Variants in MYO1E observed in about 807,000 individuals in gnomAD.
The protein encoded by MYO1E is myosin IE, also known as unconventional myosin-Ie.
Under a neutral mutation model 151.1 loss-of-function variants are expected in MYO1E, and 68 were observed. That is an observed-to-expected ratio of 0.45 (90% CI 0.37 to 0.55). The LOEUF is 0.55. MYO1E is among the 20% of genes least tolerant of loss of function. The pLI is 0.00. For missense variants in MYO1E, 1,363 were observed against 1,389.3 expected (o/e 0.98, Z 0.30); for synonymous variants, 601 against 501.7 (o/e 1.20, Z -2.64).
At chr15:59,224,963 G>A in intron 7 of MYO1E, 140 bp from the exon 8 acceptor site, 1 of 1,089,938 alleles carries the variant, frequency 9.2e-7, no homozygotes, top group Non-Finnish European at 1.4e-6. Flanking sequence ...CCCCAAATAT[G>A]TACTTGTAGT....
At chr15:59,256,167 C>T (rs2080192721) in intron 4 of MYO1E, 117 bp downstream of exon 4, 1 of 756,794 alleles carries the variant, frequency 1.3e-6, no homozygotes, top group Non-Finnish European at 2.3e-6. Context: ...TACTCAGACA[C>T]ATTAACCAGG....
intron 22 of MYO1E, among the ~76,000 whole-genome samples, chr15:59,164,743 G>T (rs951508934): frequency 2.6e-5 from 4 of 152,288 alleles, no homozygotes; most frequent in African/African-American, 9.6e-5. Context: ...AATCTTGGGG[G>T]ACTATCTCAG....
intron 1 of MYO1E, among the ~76,000 whole-genome samples, chr15:59,321,584 GA>G (rs2080626509): frequency 1.3e-5 from 2 of 152,182 alleles, no homozygotes; most frequent in Admixed American, 1.3e-4. Flanking sequence ...TGCAGGAACA[GA>G]AATTCAAATA....
chr15:59,325,047 T>A (rs1200398554), intron 1 of MYO1E, among the ~76,000 whole-genome samples: 2 of 151,848 alleles, frequency 1.3e-5, no homozygotes, highest in Admixed American at 6.6e-5. Flanking sequence ...TTTTTTTTTT[T>A]ATTTCTGGGA....
intron 1 of MYO1E, among the ~76,000 whole-genome samples, chr15:59,287,240 T>G (rs1181144790): frequency 6.6e-6 from 1 of 152,184 alleles, no homozygotes; most frequent in Non-Finnish European, 1.5e-5. Flanking sequence ...ATGGGCCTGC[T>G]AGGGGCTTGT....
At chr15:59,291,607 G>A (rs140641949) in intron 1 of MYO1E, among the ~76,000 whole-genome samples, 2,145 of 149,078 alleles carry the variant, frequency 0.014, 54 homozygotes, top group African/African-American at 0.05. Flanking sequence ...AGGTCAAGGC[G>A]TGCGGATCAC....
At chr15:59,188,635 G>A (rs1476248782) in intron 17 of MYO1E, among the ~76,000 whole-genome samples, 1 of 152,186 alleles carries the variant, frequency 6.6e-6, no homozygotes. Context: ...GGCAGAGGCT[G>A]CAGTGAGCTG....
rs143319934 is a variant in MYO1E, at chr15:59,353,369, A to AAAAAGAAAAGAAAAGAAAAGAAAAG, written c.3+19104_3+19128dup. On this transcript the variant is annotated intron_variant, in intron 1 of 27. Coordinates refer to ENST00000288235, the MANE Select transcript of MYO1E (RefSeq NM_004998.4). ...GAGACCCTGTCTCAAAAAAAAAAAA[A>AAAAAGAAAAGAAAAGAAAAGAAAAG]AAAAGAAAAGAAAAGAAAAGAAAAG... 7.8e-3 allele frequency among the ~76,000 whole-genome samples: 752 copies of AAAAAGAAAAGAAAAGAAAAGAAAAG among 96,840 alleles called. 4 individuals carry two copies. Among genetic ancestry groups the AAAAAGAAAAGAAAAGAAAAGAAAAG allele is most frequent in the Middle Eastern group, 0.02 (3 of 148 alleles). 63.5% of individuals were successfully genotyped at this position (96,840 alleles called of 152,430 possible). A position where few individuals can be genotyped will look rare whatever the true frequency, so the allele number is the denominator to read the frequency against.
intron 1 of MYO1E, among the ~76,000 whole-genome samples, chr15:59,275,319 CA>C (rs1182282677): frequency 6.6e-6 from 1 of 151,978 alleles, no homozygotes; most frequent in African/African-American, 2.4e-5. Context: ...ACTAAAACAC[CA>C]AAGTTATTTT....
At chr15:59,262,089 C>T (rs752668371) in intron 2 of MYO1E, among the ~76,000 whole-genome samples, 7 of 152,022 alleles carry the variant, frequency 4.6e-5, no homozygotes, top group Non-Finnish European at 8.8e-5. Flanking sequence ...GTAGTCCCTG[C>T]TACTGTACTC....
At chr15:59,273,025 A>T (rs1410581683) in intron 1 of MYO1E, among the ~76,000 whole-genome samples, 1 of 152,230 alleles carries the variant, frequency 6.6e-6, no homozygotes, top group Non-Finnish European at 1.5e-5. Flanking sequence ...TCACTGTCAT[A>T]CGTGTAATAC....
intron 18 of MYO1E, among the ~76,000 whole-genome samples, chr15:59,179,990 G>A (rs955777807): frequency 3.3e-5 from 5 of 152,210 alleles, no homozygotes; most frequent in Admixed American, 6.5e-5. Flanking sequence ...CTACTGTCAC[G>A]ATTAGACTGA....
chr15:59,360,308 T>C (rs921179791), intron 1 of MYO1E, among the ~76,000 whole-genome samples: 1 of 152,106 alleles, frequency 6.6e-6, no homozygotes. Context: ...GACACAGGGT[T>C]ATTTTGAGAA....
chr15:59,258,298 G>C (rs183695221), intron 3 of MYO1E, among the ~76,000 whole-genome samples: 2 of 152,222 alleles, frequency 1.3e-5, no homozygotes, highest in Non-Finnish European at 1.5e-5. Flanking sequence ...AGTGAGCTGA[G>C]ATTGCAGTAT....
intron 2 of MYO1E, among the ~76,000 whole-genome samples, chr15:59,267,310 C>T (rs1314849442): frequency 2.0e-5 from 3 of 152,188 alleles, no homozygotes; most frequent in South Asian, 4.1e-4. Context: ...CAGGCATGAG[C>T]CACTGTGCCC....
At chr15:59,139,233 A>G (rs1270265970) in intron 26 of MYO1E, among the ~76,000 whole-genome samples, 2 of 131,040 alleles carry the variant, frequency 1.5e-5, no homozygotes, top group East Asian at 2.3e-4. Flanking sequence ...CTTCCCTCCC[A>G]TCCCTCATTA....
At chr15:59,169,736 A>G (rs191680172) in intron 22 of MYO1E, among the ~76,000 whole-genome samples, 222 of 152,352 alleles carry the variant, frequency 1.5e-3, no homozygotes, top group African/African-American at 5.0e-3. Context: ...GAGGCTGTAA[A>G]AGAAGACAAT....
rs551684488 is a variant in MYO1E at position 59,201,667 on chromosome 15, G to C, written c.1698+659C>G. 2.0e-5 allele frequency among the ~76,000 whole-genome samples: 3 copies of C among 152,306 alleles called. No homozygotes were observed. In the East Asian group the frequency reaches 5.8e-4, roughly 29 times the overall value. The stretch of plus-strand genomic sequence containing the variant: ...GATCCACCCGCCTCAGCCTCCCAAA[G>C]TGCTGGGATTACAGGCGTGAGCCAC... On this transcript the variant is annotated intron_variant, in intron 16 of 27. Transcript: ENST00000288235.
At chr15:59,322,151 GGCAA>G (rs1275735102) in intron 1 of MYO1E, among the ~76,000 whole-genome samples, 1 of 151,080 alleles carries the variant, frequency 6.6e-6, no homozygotes, top group African/African-American at 2.4e-5. Flanking sequence ...CTCCAGCCCG[GGCAA>G]CAGAGTAAGA....
Sources: allele counts gnomAD v4.1 joint callset (sites outside exome capture counted in the v4.1 genomes callset), GRCh38; gene constraint gnomAD v4.1.1; transcripts MANE v1.5; gene names NCBI Gene and HGNC (gene_info 2026-07-23, HGNC 2026-07-21).